AFF1: variants seen among roughly 807,000 people sequenced by gnomAD.
The protein encoded by AFF1 is AF4/FMR2 family member 1.
Under a neutral mutation model 121.7 loss-of-function variants are expected in AFF1, and 48 were observed. The observed-to-expected ratio is 0.39, with a 90% confidence interval of 0.31 to 0.50. The LOEUF is 0.50. Among genes scored for constraint, AFF1 ranks in the 20% least tolerant of loss-of-function variants. The pLI is 0.76. For missense variants in AFF1, 1,523 were observed against 1,511.7 expected (o/e 1.01, Z -0.12); for synonymous variants, 613 against 563.0 (o/e 1.09, Z -1.26).
At chr4:87,009,804 A>C (rs531055757) in intron 2 of AFF1, among the ~76,000 whole-genome samples, 1 of 152,326 alleles carries the variant, frequency 6.6e-6, no homozygotes, top group South Asian at 2.1e-4. Context: ...AAACCAAAAC[A>C]TCACCTGTGA....
chr4:87,025,053 G>A (rs1319061375), intron 2 of AFF1, among the ~76,000 whole-genome samples: 1 of 152,210 alleles, frequency 6.6e-6, no homozygotes, highest in Non-Finnish European at 1.5e-5. Flanking sequence ...TTTTCACAAG[G>A]TTCTCTTATC....
intron 2 of AFF1, among the ~76,000 whole-genome samples, chr4:86,987,826 G>A (rs989485395): frequency 1.3e-5 from 2 of 151,806 alleles, no homozygotes; most frequent in African/African-American, 2.4e-5. Context: ...GGTGGCACAC[G>A]CTCGTAGTCC....
intron 1 of AFF1, among the ~76,000 whole-genome samples, chr4:86,936,831 A>G (rs978517766): frequency 6.6e-6 from 1 of 152,236 alleles, no homozygotes; most frequent in Admixed American, 6.5e-5. Flanking sequence ...GGAGAAAAGC[A>G]GTGGTGAGAA....
At chr4:87,026,533 G>T (rs1728552983) in intron 2 of AFF1, among the ~76,000 whole-genome samples, 2 of 152,216 alleles carry the variant, frequency 1.3e-5, no homozygotes, top group Non-Finnish European at 2.9e-5. Context: ...CAGTCTCTGT[G>T]TGGGGACCTT....
At chr4:86,996,468 G>C (rs1293832191) in intron 2 of AFF1, among the ~76,000 whole-genome samples, 1 of 151,670 alleles carries the variant, frequency 6.6e-6, no homozygotes, top group Non-Finnish European at 1.5e-5. Flanking sequence ...ATCCACTCAG[G>C]GTTGAATGGA....
chr4:87,029,537 C>T (rs1281119274), intron 2 of AFF1, among the ~76,000 whole-genome samples: 1 of 152,084 alleles, frequency 6.6e-6, no homozygotes, highest in African/African-American at 2.4e-5. Flanking sequence ...TGGCTTAATT[C>T]TTCATATTTT....
chr4:87,019,874 C>T (rs1727707568), intron 2 of AFF1, among the ~76,000 whole-genome samples: 1 of 21,944 alleles, frequency 4.6e-5, no homozygotes, highest in Admixed American at 7.4e-4. Flanking sequence ...TGACTGGTGT[C>T]TGAAGGGGTC....
intron 2 of AFF1, among the ~76,000 whole-genome samples, chr4:87,034,404 C>T (rs1406937078): frequency 6.6e-6 from 1 of 152,158 alleles, no homozygotes; most frequent in Non-Finnish European, 1.5e-5. Context: ...CTTAATTTGC[C>T]TTGCATTTAA....
chr4:86,956,487 G>A lies in AFF1; in HGVS notation c.38+7916G>A, dbSNP rs994733164. ...AGGTGTAATTTACAAGCTATTTTAA[G>A]TATACAGTTTAATTTTTAGTAACTT... On this transcript the variant is annotated intron_variant, in intron 2 of 20. Coordinates refer to ENST00000395146, the MANE Select transcript of AFF1 (RefSeq NM_001166693.3). 2.0e-5 allele frequency among the ~76,000 whole-genome samples: 3 copies of A among 152,178 alleles called. No individual in the cohort carries two copies. In the South Asian group the frequency reaches 6.2e-4, roughly 32 times the overall value.
At chr4:87,062,845 G>A (rs571972126) in intron 4 of AFF1, among the ~76,000 whole-genome samples, 62 of 152,070 alleles carry the variant, frequency 4.1e-4, no homozygotes, top group Middle Eastern at 3.2e-3. Flanking sequence ...AAGACTGGAT[G>A]TTGTTGGAAG....
At chr4:87,025,347 A>C (rs533151757) in intron 2 of AFF1, among the ~76,000 whole-genome samples, 1 of 152,158 alleles carries the variant, frequency 6.6e-6, no homozygotes, top group South Asian at 2.1e-4. Flanking sequence ...TCTCATCTCT[A>C]TTTTAGAGAG....
intron 1 of AFF1, among the ~76,000 whole-genome samples, chr4:86,940,801 G>C (rs1720400760): frequency 6.6e-6 from 1 of 152,062 alleles, no homozygotes; most frequent in Non-Finnish European, 1.5e-5. Flanking sequence ...ACCTGTGAAG[G>C]GAGGGGCTGG....
chr4:87,082,765 C>T (rs144572498), intron 4 of AFF1, among the ~76,000 whole-genome samples: 78 of 152,162 alleles, frequency 5.1e-4, no homozygotes, highest in African/African-American at 1.7e-3. Flanking sequence ...AATTACAGGA[C>T]GGTGTGAATG....
intron 2 of AFF1, among the ~76,000 whole-genome samples, chr4:87,022,592 A>ACATATATATATATATATATC (rs1728082852): frequency 1.0e-5 from 1 of 99,846 alleles, no homozygotes; most frequent in African/African-American, 4.7e-5. Flanking sequence ...ATCTATCTAT[A>ACATATATATATATATATATC]TCTATCTGTG....
At chr4:87,022,635 CGTGTATATATG>C in intron 2 of AFF1, among the ~76,000 whole-genome samples, 1 of 65,028 alleles carries the variant, frequency 1.5e-5, no homozygotes, top group East Asian at 6.0e-4. Context: ...TATATATGTG[CGTGTATATATG>C]TGTGTGTATA....
At position 87,047,416 on chromosome 4, in the gene AFF1, A is replaced by C. The variant is rs200946563; in HGVS notation, c.881A>C (p.Gln294Pro). Residue 294 changes from glutamine (Q) to proline (P), a missense_variant, in exon 4 of 21, where the codon CAG becomes CCG. Transcript: ENST00000395146. ...CTCCCCTCAAAAAGTGTTGCAATGC[A>C]GCAGAAGCCCACGGCTTATGTCCGG... The part of the protein sequence containing the change: ...PSLPSKSVAM[Q>P]QKPTAYVRPM... 5.6e-6 allele frequency: 9 copies of C among 1,614,044 alleles called. No homozygotes were observed. In the Admixed American group the frequency reaches 1.5e-4, roughly 27 times the overall value.
rs1729579333 is a variant in AFF1 at position 87,139,811 on chromosome 4, A to C, written c.*4110A>C. 4.4e-6 allele frequency: 1 copy of C among 225,640 alleles called. No homozygotes were observed. Among genetic ancestry groups the C allele is most frequent in the Non-Finnish European group, 8.8e-6 (1 of 113,578 alleles). 14.0% of individuals were successfully genotyped at this position (225,640 alleles called of 1,614,324 possible). A position where few individuals can be genotyped will look rare whatever the true frequency, so the allele number is the denominator to read the frequency against. On this transcript the variant is annotated 3_prime_UTR_variant, in exon 21 of 21. Transcript: ENST00000395146. ...TGATATTGCCACCATGTGAACCTCA[A>C]ATATGCAATCCAGTTGTGTTGGTTT...
intron 2 of AFF1, among the ~76,000 whole-genome samples, chr4:86,985,515 A>C (rs1279717028): frequency 6.6e-6 from 1 of 150,924 alleles, no homozygotes; most frequent in Non-Finnish European, 1.5e-5. Flanking sequence ...CTCAAAAAAA[A>C]AAAAAAAAAA....
chr4:87,031,730 A>T (rs1729107077), intron 2 of AFF1, among the ~76,000 whole-genome samples: 1 of 152,236 alleles, frequency 6.6e-6, no homozygotes, highest in Non-Finnish European at 1.5e-5. Flanking sequence ...GTCACAGTGT[A>T]TCTGGTGGTA....
Sources: gnomAD v4.1 joint callset for allele counts (sites outside exome capture counted in the v4.1 genomes callset) on GRCh38, gnomAD v4.1.1 for gene constraint, MANE v1.5 for transcripts, NCBI Gene and HGNC (gene_info 2026-07-23, HGNC 2026-07-21) for gene names.